Variants in MARS1 observed in about 807,000 individuals in gnomAD.
The protein encoded by MARS1 is methionine--tRNA ligase, cytoplasmic.
MARS1 carries 80 observed loss-of-function variants against 119.5 expected under a neutral mutation model. The ratio of observed to expected loss-of-function variants is 0.67; its 90% CI spans 0.56 to 0.81. The LOEUF is 0.81. Among genes scored for constraint, MARS1 ranks in the 30% least tolerant of loss-of-function variants. The pLI, the probability that MARS1 is intolerant of heterozygous loss-of-function variation, is 0.00. For synonymous variants in MARS1, 418 were observed against 433.4 expected (o/e 0.96, Z 0.44); for missense variants, 945 against 1,116.5 (o/e 0.85, Z 2.19).
intron 11 of MARS1, among the ~76,000 whole-genome samples, chr12:57,511,424 AATT>A (rs2140033322): frequency 6.6e-6 from 1 of 152,160 alleles, no homozygotes; most frequent in South Asian, 2.1e-4. Flanking sequence ...TTTCTACAAA[AATT>A]ACAGTCTGGC....
chr12:57,508,945 ATTC>A (rs1476884273), intron 11 of MARS1, among the ~76,000 whole-genome samples: 17 of 152,194 alleles, frequency 1.1e-4, no homozygotes, highest in Non-Finnish European at 1.5e-4. Context: ...TTCATTGATC[ATTC>A]TTACCTGAAT....
intron 7 of MARS1, among the ~76,000 whole-genome samples, chr12:57,496,596 T>C (rs891953037): frequency 2.0e-5 from 3 of 152,018 alleles, no homozygotes; most frequent in African/African-American, 4.8e-5. Context: ...CCTGTCAACA[T>C]AGACTGCATC....
In MARS1 at chr12:57,498,021, T is replaced by G. The variant is rs537161; in HGVS notation, c.771-136T>G. 20 of 679,404 alleles carry G rather than the reference T, an allele frequency of 2.9e-5. 1 individual carries two copies. Among genetic ancestry groups the G allele is most frequent in the Non-Finnish European group, 2.1e-5 (8 of 375,374 alleles). 42.1% of individuals were successfully genotyped at this position (679,404 alleles called of 1,614,324 possible). A position where few individuals can be genotyped will look rare whatever the true frequency, so the allele number is the denominator to read the frequency against. On this transcript the variant is annotated intron_variant, in intron 7 of 20. Transcript: ENST00000262027. The stretch of plus-strand genomic sequence containing the variant: ...TCGGGAAGCTGTGGTCCTGTGGGTT[T>G]GTGTGCAGAAAGACTTCAAGTGTAC...
intron 10 of MARS1, chr12:57,503,981 G>C: frequency 1.9e-6 from 1 of 537,602 alleles, no homozygotes; most frequent in Non-Finnish European, 3.3e-6. Context: ...TATGTTCAGA[G>C]AATGTTTTTT....
At chr12:57,500,228 C>T (rs74921288) in intron 9 of MARS1, 93 bp from the exon 10 acceptor site, 6 of 1,007,390 alleles carry the variant, frequency 6.0e-6, no homozygotes, top group South Asian at 1.3e-5. Context: ...ATTTCTTTGT[C>T]ACTGAGTTTG....
At chr12:57,513,646 A>T (rs934230319) in intron 15 of MARS1, among the ~76,000 whole-genome samples, 1 of 149,894 alleles carries the variant, frequency 6.7e-6, no homozygotes, top group Non-Finnish European at 1.5e-5. Context: ...CTTCTGCTAT[A>T]CTCTTCAGAG....
At chr12:57,502,732 AC>A (rs199801196) in intron 10 of MARS1, among the ~76,000 whole-genome samples, 1,491 of 140,174 alleles carry the variant, frequency 0.011, 33 homozygotes, top group Non-Finnish European at 0.016. Context: ...AGCAACAACA[AC>A]AAAAAAAAAA....
At chr12:57,509,669 C>G (rs962109154) in intron 11 of MARS1, among the ~76,000 whole-genome samples, 1 of 152,134 alleles carries the variant, frequency 6.6e-6, no homozygotes, top group African/African-American at 2.4e-5. Context: ...CTTGGCCTCC[C>G]GAAGTGCTGG....
chr12:57,508,675 G>GGGGAGAGGGAGA (rs1212037091), intron 11 of MARS1, among the ~76,000 whole-genome samples: 1 of 56,062 alleles, frequency 1.8e-5, no homozygotes, highest in Non-Finnish European at 4.4e-5. Flanking sequence ...GGGAGACCGT[G>GGGGAGAGGGAGA]GGGAGAGGTA....
At chr12:57,488,518 A>G in intron 1 of MARS1, 1 of 1,490,592 alleles carries the variant, frequency 6.7e-7, no homozygotes, top group Non-Finnish European at 9.1e-7. Context: ...TCTGCTCTTT[A>G]GTTACTAGCA....
intron 7 of MARS1, among the ~76,000 whole-genome samples, chr12:57,492,836 G>A (rs754334113): frequency 1.3e-5 from 2 of 152,120 alleles, no homozygotes; most frequent in African/African-American, 2.4e-5. Flanking sequence ...AAGCAAGAGA[G>A]TTTGCCTCTT....
At position 57,515,286 on chromosome 12, in the gene MARS1, C is replaced by T; in HGVS notation, c.2341C>T (p.Leu781=). The T allele has an allele frequency of 6.2e-7, 1 of 1,613,894 alleles. No individual in the cohort carries two copies. Among genetic ancestry groups the T allele is most frequent in the African/African-American group, 1.3e-5 (1 of 75,058 alleles). Residue 781 remains leucine, a synonymous_variant, in exon 18 of 21, where the codon CTG becomes TTG. Transcript: ENST00000262027. ...LQLPPPACSI[L]LTNFLCTLPA... is the part of the protein sequence containing the mutation. ...GCTCCCACCTCCAGCCTGCAGTATC[C>T]TGCTGACAAACTTCCTGTGTACCTT...
intron 11 of MARS1, among the ~76,000 whole-genome samples, chr12:57,507,329 C>T (rs1420765016): frequency 2.0e-4 from 29 of 148,292 alleles, no homozygotes; most frequent in Non-Finnish European, 4.3e-4. Flanking sequence ...CACAAAACCG[C>T]CATTGTCATC....
Position 57,498,851 on chromosome 12 carries a change from G to A in MARS1, c.1091+228G>A, listed in dbSNP as rs368949367. Among the ~76,000 whole-genome samples, 28 of 152,278 alleles carry A rather than the reference G, an allele frequency of 1.8e-4. 1 individual carries two copies. The highest frequency in any genetic ancestry group is 6.7e-4 in the African/African-American group (28 of 41,538). ...TGAGGGAGGGCAGAGACCAGACGCA[G>A]GCTGATGGGAAATATCTATCTTCCC... On this transcript the variant is annotated intron_variant, in intron 9 of 20. Coordinates refer to ENST00000262027, the MANE Select transcript of MARS1 (RefSeq NM_004990.4).
intron 11 of MARS1, 97 bp downstream of exon 11, chr12:57,504,396 T>C (rs1003170473): frequency 1.0e-6 from 1 of 963,032 alleles, no homozygotes. Flanking sequence ...CTTAAAAGTT[T>C]TAAATTTCCA....
At chr12:57,512,454 G>A (rs1000890264) in intron 14 of MARS1, 101 bp downstream of exon 14, 4 of 841,376 alleles carry the variant, frequency 4.8e-6, no homozygotes, top group Non-Finnish European at 7.8e-6. Flanking sequence ...TGAGTTAGGA[G>A]TTGAGCTGAA....
At position 57,490,195 on chromosome 12, in the gene MARS1, C is replaced by G. The variant is rs768160565; in HGVS notation, c.491-12C>G. On this transcript the variant is annotated splice_polypyrimidine_tract_variant and intron_variant, in intron 5 of 20. Coordinates refer to ENST00000262027, the MANE Select transcript of MARS1 (RefSeq NM_004990.4). Reference sequence around the variant, plus strand: ...TTATGTTTGCTGATTTTCTTTTCTTCCATACCCACAGAGGAGCTGAGTGCC... The same window carrying G: ...TTATGTTTGCTGATTTTCTTTTCTTGCATACCCACAGAGGAGCTGAGTGCC... 1.9e-6 allele frequency: 3 copies of G among 1,605,458 alleles called. No homozygotes were observed. Among genetic ancestry groups the G allele is most frequent in the East Asian group, 2.2e-5 (1 of 44,816 alleles).
At chr12:57,514,075 T>TAA (rs1283189790) in intron 15 of MARS1, among the ~76,000 whole-genome samples, 1 of 126,324 alleles carries the variant, frequency 7.9e-6, no homozygotes. Flanking sequence ...AAAAAAAAAT[T>TAA]AAAAAAAAAA....
At chr12:57,508,267 G>A (rs1396192425) in intron 11 of MARS1, among the ~76,000 whole-genome samples, 3 of 152,242 alleles carry the variant, frequency 2.0e-5, no homozygotes, top group African/African-American at 7.2e-5. Context: ...GTGGCGGCAC[G>A]GCAGAGGCTG....
Sources: gnomAD v4.1 joint callset for allele counts (sites outside exome capture counted in the v4.1 genomes callset) on GRCh38, gnomAD v4.1.1 for gene constraint, MANE v1.5 for transcripts, NCBI Gene and HGNC (gene_info 2026-07-23, HGNC 2026-07-21) for gene names.